PSMD1: variants seen among roughly 807,000 people sequenced by gnomAD.
PSMD1 encodes proteasome 26S subunit, non-ATPase 1.
PSMD1 carries 18 observed loss-of-function variants against 119.0 expected under a neutral mutation model. That is an observed-to-expected ratio of 0.15 (90% CI 0.10 to 0.22). The LOEUF (loss-of-function observed/expected upper bound fraction) is 0.22, where lower values mean the gene tolerates loss of function less well. Ranked by LOEUF, PSMD1 falls within the 10% of genes least tolerant of loss-of-function variation. PSMD1 has a pLI of 1.00. For missense variants in PSMD1, 702 were observed against 1,158.5 expected (o/e 0.61, Z 5.72); for synonymous variants, 374 against 396.6 (o/e 0.94, Z 0.68).
chr2:231,123,090 T>TA (rs1308604098), intron 16 of PSMD1, among the ~76,000 whole-genome samples: 1 of 152,178 alleles, frequency 6.6e-6, no homozygotes, highest in African/African-American at 2.4e-5. Context: ...GTAGAAAAGT[T>TA]AAAGTATAGG....
chr2:231,164,854 A>G (rs13402242), intron 21 of PSMD1: 27,597 of 153,144 alleles, frequency 0.18, 3,140 homozygotes, highest in Non-Finnish European at 0.18. Context: ...CCAAATCTCA[A>G]TCTTGGAAGT....
intron 16 of PSMD1, among the ~76,000 whole-genome samples, chr2:231,131,094 A>G (rs1695842771): frequency 6.6e-6 from 1 of 152,104 alleles, no homozygotes; most frequent in South Asian, 2.1e-4. Flanking sequence ...TGAAGAAACC[A>G]GTTATCTCTG....
intron 23 of PSMD1, among the ~76,000 whole-genome samples, chr2:231,168,294 C>T (rs1248717377): frequency 6.6e-6 from 1 of 152,176 alleles, no homozygotes; most frequent in Non-Finnish European, 1.5e-5. Context: ...TATCATATGA[C>T]CCGGCAATTC....
intron 17 of PSMD1, among the ~76,000 whole-genome samples, chr2:231,141,232 C>T (rs1696101250): frequency 6.6e-6 from 1 of 150,882 alleles, no homozygotes; most frequent in Non-Finnish European, 1.5e-5. Flanking sequence ...ACCCAGGAGG[C>T]AGAGGTTGCA....
intron 12 of PSMD1, among the ~76,000 whole-genome samples, chr2:231,081,851 CCT>C (rs924148555): frequency 1.3e-5 from 2 of 152,154 alleles, no homozygotes; most frequent in East Asian, 1.9e-4. Flanking sequence ...ACCTTTTTCT[CCT>C]CTGTCTTTAG....
intron 16 of PSMD1, among the ~76,000 whole-genome samples, chr2:231,090,390 C>G (rs759784044): frequency 9.9e-5 from 15 of 152,086 alleles, no homozygotes; most frequent in Admixed American, 6.5e-5. Context: ...GAAACCTTGT[C>G]TCTACTAAAA....
At chr2:231,091,940 C>T (rs1001095857) in intron 16 of PSMD1, among the ~76,000 whole-genome samples, 1 of 152,276 alleles carries the variant, frequency 6.6e-6, no homozygotes, top group East Asian at 1.9e-4. Flanking sequence ...CCTGTATATT[C>T]TAAGGCAGCC....
chr2:231,061,367 AT>A, intron 2 of PSMD1, 57 bp downstream of exon 2: 1 of 1,344,008 alleles, frequency 7.4e-7, no homozygotes, highest in Non-Finnish European at 1.0e-6. Flanking sequence ...AGCCTTTTGA[AT>A]TTAGTGATAT....
At chr2:231,113,714 G>A (rs750741971) in intron 16 of PSMD1, 4 of 1,606,214 alleles carry the variant, frequency 2.5e-6, no homozygotes, top group Non-Finnish European at 3.4e-6. Context: ...CCACACTCTG[G>A]CATTCTCTAC....
chr2:231,080,138 C>T lies in PSMD1; in HGVS notation c.1240-3C>T, dbSNP rs762091650. 33 of 1,604,032 alleles carry T rather than the reference C, an allele frequency of 2.1e-5. No individual in the cohort carries two copies. The South Asian group carries it at 3.1e-4, about 15-fold the overall frequency. On this transcript the variant is annotated splice_region_variant and splice_polypyrimidine_tract_variant and intron_variant, in intron 11 of 24. Coordinates refer to ENST00000308696, the MANE Select transcript of PSMD1 (RefSeq NM_002807.4). ...ATGTCTTTGTTATGACTTACCTTTA[C>T]AGGGTCATGAAAAAGAAGCATTACA...
chr2:231,062,834 T>A, intron 4 of PSMD1, 159 bp downstream of exon 4: 1 of 566,200 alleles, frequency 1.8e-6, no homozygotes, highest in Non-Finnish European at 2.8e-6. Context: ...AGTTTTTAGA[T>A]CTGCCCTTCA....
intron 17 of PSMD1, among the ~76,000 whole-genome samples, chr2:231,143,158 A>T (rs1696168005): frequency 6.6e-6 from 1 of 151,030 alleles, no homozygotes; most frequent in Non-Finnish European, 1.5e-5. Flanking sequence ...TTTAACTCTA[A>T]TCTCAATGAC....
chr2:231,068,581 A>C (rs923839983), intron 5 of PSMD1, among the ~76,000 whole-genome samples: 1 of 152,226 alleles, frequency 6.6e-6, no homozygotes, highest in African/African-American at 2.4e-5. Flanking sequence ...TTCATGTCTT[A>C]AATTGTGCAC....
At chr2:231,148,405 A>G (rs1696295668) in intron 18 of PSMD1, among the ~76,000 whole-genome samples, 1 of 152,186 alleles carries the variant, frequency 6.6e-6, no homozygotes, top group African/African-American at 2.4e-5. Context: ...TGATTTTACA[A>G]TTATAATCTC....
intron 16 of PSMD1, among the ~76,000 whole-genome samples, chr2:231,135,178 G>T (rs1339655446): frequency 6.6e-6 from 1 of 152,146 alleles, no homozygotes. Context: ...GAAAATAGAA[G>T]TTAAATGGTA....
intron 2 of PSMD1, 37 bp from the exon 3 acceptor site, chr2:231,062,211 G>A (rs1386709171): frequency 3.5e-6 from 5 of 1,416,282 alleles, no homozygotes; most frequent in Middle Eastern, 1.7e-4. Flanking sequence ...GTAATGATAA[G>A]TCTATCTCAA....
At chr2:231,146,402 T>C in intron 18 of PSMD1, 46 bp downstream of exon 18, 1 of 1,432,892 alleles carries the variant, frequency 7.0e-7, no homozygotes, top group Non-Finnish European at 9.8e-7. Context: ...GTTTGGTCTT[T>C]TCTTTAGTAA....
chr2:231,103,512 C>T (rs189786335), intron 16 of PSMD1, among the ~76,000 whole-genome samples: 12 of 152,312 alleles, frequency 7.9e-5, no homozygotes, highest in Admixed American at 7.8e-4. Flanking sequence ...AGCTATTCTG[C>T]ATTTTGTCAA....
chr2:231,129,511 G>A (rs990599526), intron 16 of PSMD1, among the ~76,000 whole-genome samples: 1 of 152,150 alleles, frequency 6.6e-6, no homozygotes, highest in African/African-American at 2.4e-5. Context: ...TGTACCAAAA[G>A]CTTGCCTAAA....
Sources: allele counts gnomAD v4.1 joint callset (sites outside exome capture counted in the v4.1 genomes callset), GRCh38; gene constraint gnomAD v4.1.1; transcripts MANE v1.5; gene names NCBI Gene and HGNC (gene_info 2026-07-23, HGNC 2026-07-21).